Variants in FCHSD2 observed in about 807,000 individuals in gnomAD.
FCHSD2 encodes the protein F-BAR and double SH3 domains protein 2.
FCHSD2 carries 38 observed loss-of-function variants against 108.1 expected under a neutral mutation model. The observed-to-expected ratio is 0.35, with a 90% CI of 0.27 to 0.46. The LOEUF is 0.46. FCHSD2 is among the 20% of genes least tolerant of loss of function. FCHSD2 has a pLI of 1.00. For synonymous variants in FCHSD2, 279 were observed against 314.7 expected (o/e 0.89, Z 1.20); for missense variants, 751 against 897.8 (o/e 0.84, Z 2.09).
intron 8 of FCHSD2, among the ~76,000 whole-genome samples, chr11:72,965,068 C>A (rs1856883251): frequency 6.6e-6 from 1 of 152,186 alleles, no homozygotes; most frequent in Non-Finnish European, 1.5e-5. Context: ...GGATTACAGG[C>A]ATGAGCCACC....
Position 72,902,607 on chromosome 11 carries a change from A to G in FCHSD2, c.860T>C (p.Leu287Ser). 1 of 1,581,388 alleles carries G rather than the reference A, an allele frequency of 6.3e-7. No homozygotes were observed. The highest frequency in any genetic ancestry group is 8.6e-7 in the Non-Finnish European group (1 of 1,162,616). The change falls in exon 10 of 20, where the codon TTG becomes TCG. Residue 287 changes from leucine to serine, a missense_variant. By Grantham distance (145) the Leu-to-Ser change is moderately radical (BLOSUM62 -2). Coordinates refer to ENST00000409418, the MANE Select transcript of FCHSD2 (RefSeq NM_014824.3). ...TTTGTGAAATACAGCGTTTTCTTGC[A>G]AAAACAGCTGAAGATTGTAGTCCCG... ...VVRDYNLQLF[L>S]QENAVFHKPQ...
intron 5 of FCHSD2, among the ~76,000 whole-genome samples, chr11:72,995,971 G>C (rs976918011): frequency 6.6e-6 from 1 of 151,942 alleles, no homozygotes; most frequent in Non-Finnish European, 1.5e-5. Flanking sequence ...AAAGAAAGCA[G>C]AATGGAAAAT....
intron 13 of FCHSD2, among the ~76,000 whole-genome samples, 162 bp from the exon 14 acceptor site, chr11:72,850,051 A>AAT (rs1400152582): frequency 3.7e-5 from 5 of 136,802 alleles, no homozygotes; most frequent in African/African-American, 1.3e-4. Context: ...GTTATGAAAG[A>AAT]ATAGAGTTTT....
At chr11:72,870,333 T>A (rs1170950222) in intron 12 of FCHSD2, among the ~76,000 whole-genome samples, 1 of 152,148 alleles carries the variant, frequency 6.6e-6, no homozygotes, top group East Asian at 1.9e-4. Context: ...GGGGGCTCCT[T>A]TAAGACTCGA....
intron 3 of FCHSD2, among the ~76,000 whole-genome samples, chr11:73,070,972 G>T (rs1014234716): frequency 6.6e-6 from 1 of 152,156 alleles, no homozygotes; most frequent in African/African-American, 2.4e-5. Flanking sequence ...GCATCCTTCA[G>T]ATGGGAAGGG....
intron 3 of FCHSD2, among the ~76,000 whole-genome samples, chr11:73,067,619 G>A (rs576962560): frequency 3.4e-4 from 51 of 152,006 alleles, no homozygotes; most frequent in South Asian, 6.2e-4. Flanking sequence ...TATAAGACCT[G>A]GTTCTACATT....
At chr11:73,061,975 CT>C (rs1035401017) in intron 3 of FCHSD2, among the ~76,000 whole-genome samples, 1 of 152,170 alleles carries the variant, frequency 6.6e-6, no homozygotes, top group Non-Finnish European at 1.5e-5. Flanking sequence ...GTCAGACTGC[CT>C]CCTCAAGTGG....
intron 4 of FCHSD2, among the ~76,000 whole-genome samples, chr11:73,003,019 T>G (rs1461380648): frequency 6.6e-6 from 1 of 152,210 alleles, no homozygotes; most frequent in Non-Finnish European, 1.5e-5. Context: ...AATGGATGAA[T>G]GTATTAACTA....
intron 2 of FCHSD2, among the ~76,000 whole-genome samples, chr11:73,097,557 CTGTT>C (rs1860117327): frequency 6.8e-6 from 1 of 148,062 alleles, no homozygotes; most frequent in Non-Finnish European, 1.5e-5. Context: ...TCATCATTAA[CTGTT>C]TGGTAGAATT....
At chr11:72,984,816 G>A (rs1407207532) in intron 7 of FCHSD2, among the ~76,000 whole-genome samples, 2 of 152,210 alleles carry the variant, frequency 1.3e-5, no homozygotes, top group South Asian at 2.1e-4. Context: ...AAGACAACAG[G>A]CTGCCTAAGC....
At chr11:72,985,830 C>A (rs2135400936) in intron 6 of FCHSD2, among the ~76,000 whole-genome samples, 1 of 152,198 alleles carries the variant, frequency 6.6e-6, no homozygotes, top group South Asian at 2.1e-4. Flanking sequence ...CTGCAGATAA[C>A]CATATGGAGA....
intron 8 of FCHSD2, among the ~76,000 whole-genome samples, chr11:72,971,918 T>C (rs1011576328): frequency 6.6e-6 from 1 of 152,168 alleles, no homozygotes; most frequent in African/African-American, 2.4e-5. Flanking sequence ...AGATAAAAGT[T>C]TGGGAGGATA....
At chr11:73,013,152 C>A (rs1011676999) in intron 4 of FCHSD2, among the ~76,000 whole-genome samples, 1 of 152,172 alleles carries the variant, frequency 6.6e-6, no homozygotes, top group African/African-American at 2.4e-5. Flanking sequence ...TTTTATGATG[C>A]CTACCTATGA....
At chr11:72,883,103 G>A (rs1161327881) in intron 12 of FCHSD2, among the ~76,000 whole-genome samples, 2 of 151,980 alleles carry the variant, frequency 1.3e-5, no homozygotes, top group East Asian at 3.9e-4. Context: ...ATCTGTATAG[G>A]AAAAAACAAA....
chr11:73,048,886 A>G (rs1422005204), intron 3 of FCHSD2, among the ~76,000 whole-genome samples: 1 of 152,232 alleles, frequency 6.6e-6, no homozygotes, highest in East Asian at 1.9e-4. Context: ...CTTGGATTCA[A>G]TAACGACCAC....
At chr11:73,115,021 T>TA (rs962530629) in intron 2 of FCHSD2, among the ~76,000 whole-genome samples, 1 of 152,184 alleles carries the variant, frequency 6.6e-6, no homozygotes, top group Non-Finnish European at 1.5e-5. Context: ...CCTAGTGTCT[T>TA]AGACTGCCTT....
chr11:73,036,893 T>A (rs2135458234), intron 3 of FCHSD2, among the ~76,000 whole-genome samples: 1 of 152,334 alleles, frequency 6.6e-6, no homozygotes, highest in East Asian at 1.9e-4. Context: ...AATTCAAAGT[T>A]AGTGTTCCCT....
At chr11:72,917,904 A>T (rs1485940414) in intron 9 of FCHSD2, among the ~76,000 whole-genome samples, 1 of 152,076 alleles carries the variant, frequency 6.6e-6, no homozygotes. Flanking sequence ...AAAAAAAAAA[A>T]AAATTGAGGA....
chr11:72,983,076 C>T (rs1178205395), intron 8 of FCHSD2, among the ~76,000 whole-genome samples: 5 of 151,948 alleles, frequency 3.3e-5, no homozygotes, highest in Admixed American at 6.6e-5. Flanking sequence ...GGGCGGATCA[C>T]GAGGTCAGGA....
Sources: allele counts gnomAD v4.1 joint callset (sites outside exome capture counted in the v4.1 genomes callset), GRCh38; gene constraint gnomAD v4.1.1; transcripts MANE v1.5; gene names NCBI Gene and HGNC (gene_info 2026-07-23, HGNC 2026-07-21).